Variants in CSMD1 observed in about 807,000 individuals in gnomAD.
The protein encoded by CSMD1 is CUB and Sushi multiple domains 1, also known as CUB and sushi domain-containing protein 1.
Under a neutral mutation model 417.5 loss-of-function variants are expected in CSMD1, and 213 were observed. That is an observed-to-expected ratio of 0.51 (90% CI 0.46 to 0.57). The LOEUF is 0.57. Among genes scored for constraint, CSMD1 ranks in the 20% least tolerant of loss-of-function variants. The pLI is 0.00. For missense variants in CSMD1, 6,923 were observed against 4,529.7 expected, an observed-to-expected ratio of 1.53 and a Z score of -15.17; for synonymous variants, 2,862 against 1,736.8, an observed-to-expected ratio of 1.65 and a Z score of -16.11.
chr8:4,092,136 A>T (rs1800754745), intron 3 of CSMD1, among the ~76,000 whole-genome samples: 2 of 152,232 alleles, frequency 1.3e-5, no homozygotes, highest in African/African-American at 4.8e-5. Flanking sequence ...TTAAGAGAAG[A>T]AAATTTTTCC....
chr8:3,739,998 G>T (rs1320000769), intron 6 of CSMD1, among the ~76,000 whole-genome samples: 1 of 152,086 alleles, frequency 6.6e-6, no homozygotes, highest in Admixed American at 6.6e-5. Context: ...AATTGTCTTG[G>T]TCTCTTCTGG....
chr8:3,426,285 T>C lies in CSMD1; in HGVS notation c.1562-16680A>G, dbSNP rs185364865. On this transcript the variant is annotated intron_variant, in intron 12 of 69. Coordinates refer to ENST00000635120, the MANE Select transcript of CSMD1 (RefSeq NM_033225.6). ...CACATCACATGAGTTAAATTATTTC[T>C]TGATCATCAATTTTTTTAAGTACCA... Among the ~76,000 whole-genome samples, 252 of 152,340 alleles carry C rather than the reference T, an allele frequency of 1.7e-3. 2 individuals carry two copies. The highest frequency in any genetic ancestry group is 5.6e-3 in the African/African-American group (232 of 41,576).
intron 3 of CSMD1, among the ~76,000 whole-genome samples, chr8:4,403,699 G>C (rs1804817268): frequency 6.6e-6 from 1 of 151,906 alleles, no homozygotes; most frequent in African/African-American, 2.4e-5. Flanking sequence ...ATACTCTTTT[G>C]ACCTCTTCAT....
chr8:3,300,660 T>C (rs750521579), intron 25 of CSMD1, among the ~76,000 whole-genome samples: 6 of 151,916 alleles, frequency 3.9e-5, no homozygotes, highest in Non-Finnish European at 7.4e-5. Flanking sequence ...ATGTACAACA[T>C]GAAAAATTAG....
intron 3 of CSMD1, among the ~76,000 whole-genome samples, chr8:4,046,840 A>G (rs1798172786): frequency 6.6e-6 from 1 of 152,162 alleles, no homozygotes; most frequent in Non-Finnish European, 1.5e-5. Flanking sequence ...CACTTCATGT[A>G]TTATTTCCCT....
intron 3 of CSMD1, among the ~76,000 whole-genome samples, chr8:4,243,325 G>C (rs1802511823): frequency 6.6e-6 from 1 of 152,064 alleles, no homozygotes; most frequent in Admixed American, 6.6e-5. Flanking sequence ...ATCTGAAATT[G>C]CTGTACTAAA....
At chr8:3,541,464 C>G (rs1798435605) in intron 10 of CSMD1, among the ~76,000 whole-genome samples, 1 of 151,784 alleles carries the variant, frequency 6.6e-6, no homozygotes, top group African/African-American at 2.4e-5. Context: ...GTGTAACAAA[C>G]CACCATGGTT....
At chr8:3,708,949 A>G (rs1270722805) in intron 6 of CSMD1, among the ~76,000 whole-genome samples, 1 of 152,156 alleles carries the variant, frequency 6.6e-6, no homozygotes, top group Non-Finnish European at 1.5e-5. Flanking sequence ...CTCACAGTTT[A>G]GCGAATCTGT....
In CSMD1 at chr8:2,994,233, C is replaced by T. The variant is rs904098747; in HGVS notation, c.8377+3778G>A. On this transcript the variant is annotated intron_variant, in intron 54 of 69. Coordinates refer to ENST00000635120, the MANE Select transcript of CSMD1 (RefSeq NM_033225.6). Reference sequence around the variant, plus strand: ...AGTAAGAAAACAACATTCAAACAACCAAAGAAGTAGCCTAAGTAGTTGACC... The same window carrying T: ...AGTAAGAAAACAACATTCAAACAACTAAAGAAGTAGCCTAAGTAGTTGACC... Among the ~76,000 whole-genome samples the T allele has an allele frequency of 2.0e-5, 3 of 149,948 alleles. No homozygotes were observed. In the South Asian group the frequency reaches 6.3e-4, roughly 32 times the overall value.
chr8:4,114,223 A>G (rs950993775), intron 3 of CSMD1, among the ~76,000 whole-genome samples: 5 of 152,176 alleles, frequency 3.3e-5, no homozygotes, highest in African/African-American at 7.2e-5. Context: ...GTGGAAACCA[A>G]TGTTTGTTTA....
intron 26 of CSMD1, among the ~76,000 whole-genome samples, chr8:3,268,177 A>T (rs1474517273): frequency 1.3e-5 from 2 of 151,930 alleles, no homozygotes; most frequent in African/African-American, 4.8e-5. Flanking sequence ...GAATGAGTGA[A>T]TATCGAATGG....
At chr8:4,208,085 T>C (rs1800089093) in intron 3 of CSMD1, among the ~76,000 whole-genome samples, 1 of 152,168 alleles carries the variant, frequency 6.6e-6, no homozygotes, top group Admixed American at 6.5e-5. Flanking sequence ...TTACTATCTA[T>C]TTAATGCAAT....
At chr8:4,804,510 C>G (rs1243579621) in intron 1 of CSMD1, among the ~76,000 whole-genome samples, 1 of 149,226 alleles carries the variant, frequency 6.7e-6, no homozygotes, top group Non-Finnish European at 1.5e-5. Flanking sequence ...ATATTACCAC[C>G]AGACAAAAGA....
intron 1 of CSMD1, among the ~76,000 whole-genome samples, chr8:4,746,312 T>G (rs976516665): frequency 3.5e-4 from 53 of 152,192 alleles, no homozygotes; most frequent in African/African-American, 1.0e-3. Flanking sequence ...AAGAATTCAC[T>G]CAGAATAGCG....
intron 3 of CSMD1, among the ~76,000 whole-genome samples, chr8:4,251,357 G>A (rs181437151): frequency 6.6e-6 from 1 of 152,118 alleles, no homozygotes; most frequent in Non-Finnish European, 1.5e-5. Flanking sequence ...TAATTTAAGA[G>A]TTTGGAAGGT....
At chr8:3,155,493 G>A (rs1190666401) in intron 39 of CSMD1, among the ~76,000 whole-genome samples, 1 of 150,294 alleles carries the variant, frequency 6.7e-6, no homozygotes, top group Non-Finnish European at 1.5e-5. Flanking sequence ...TCAGCCTCCC[G>A]AGTAGCTGAG....
At chr8:3,273,567 T>C (rs897391731) in intron 26 of CSMD1, among the ~76,000 whole-genome samples, 2 of 152,232 alleles carry the variant, frequency 1.3e-5, no homozygotes, top group Non-Finnish European at 2.9e-5. Context: ...GGTCCTGCAC[T>C]CTTTTTCGTT....
intron 3 of CSMD1, among the ~76,000 whole-genome samples, chr8:4,160,041 T>C (rs910567496): frequency 2.0e-5 from 3 of 151,848 alleles, no homozygotes; most frequent in Admixed American, 1.3e-4. Flanking sequence ...ACCAAAGAAC[T>C]TTCATGTAAC....
At chr8:4,366,298 T>A (rs113808994) in intron 3 of CSMD1, among the ~76,000 whole-genome samples, 1 of 152,082 alleles carries the variant, frequency 6.6e-6, no homozygotes, top group Non-Finnish European at 1.5e-5. Flanking sequence ...TCACTTTGCA[T>A]ATGTACCACA....
Sources: gnomAD v4.1 joint callset for allele counts (sites outside exome capture counted in the v4.1 genomes callset) on GRCh38, gnomAD v4.1.1 for gene constraint, MANE v1.5 for transcripts, NCBI Gene and HGNC (gene_info 2026-07-23, HGNC 2026-07-21) for gene names.